Variants in TAFA2 observed in about 807,000 individuals in gnomAD.
TAFA2 encodes the protein TAFA chemokine like family member 2.
Under a neutral mutation model 18.8 loss-of-function variants are expected in TAFA2, and 7 were observed. The observed-to-expected ratio is 0.37, with a 90% CI of 0.21 to 0.70. The LOEUF (loss-of-function observed/expected upper bound fraction) is 0.70. Ranked by LOEUF, TAFA2 falls within the 30% of genes least tolerant of loss-of-function variation. The pLI is 0.53. For missense variants in TAFA2, 122 were observed against 158.1 expected (o/e 0.77, Z 1.23); for synonymous variants, 60 against 54.2 (o/e 1.11, Z -0.47).
At chr12:61,895,749 G>A (rs777968010) in intron 1 of TAFA2, among the ~76,000 whole-genome samples, 2 of 152,102 alleles carry the variant, frequency 1.3e-5, no homozygotes, top group Non-Finnish European at 2.9e-5. Flanking sequence ...AGGAGTCCAT[G>A]CCACACAGCT....
intron 1 of TAFA2, among the ~76,000 whole-genome samples, chr12:61,928,919 A>T (rs1034212137): frequency 3.9e-5 from 6 of 152,150 alleles, no homozygotes; most frequent in Admixed American, 1.3e-4. Flanking sequence ...CAGAAAACCA[A>T]ACATCACATG....
In TAFA2 at chr12:61,990,530, G is replaced by A. The variant is rs1440962209; in HGVS notation, c.-1-123104C>T. Among the ~76,000 whole-genome samples the A allele has an allele frequency of 4.0e-5, 6 of 151,708 alleles. No individual in the cohort carries two copies. In the East Asian group the frequency reaches 5.9e-4, roughly 15 times the overall value. On this transcript the variant is annotated intron_variant, in intron 1 of 4. Transcript: ENST00000416284. ...AATTTTTTGCATTTTTAATAGAGAC[G>A]GGGTTTCACCATGTTAGCCAGGATG...
At chr12:62,161,471 C>G (rs148078270) in intron 1 of TAFA2, among the ~76,000 whole-genome samples, 1 of 152,272 alleles carries the variant, frequency 6.6e-6, no homozygotes, top group African/African-American at 2.4e-5. Flanking sequence ...ATCACATGTT[C>G]TCACCCATAA....
chr12:62,241,851 CAACA>C (rs762610056), intron 1 of TAFA2, among the ~76,000 whole-genome samples: 34 of 152,240 alleles, frequency 2.2e-4, no homozygotes, highest in Admixed American at 8.5e-4. Context: ...AAATTCCATG[CAACA>C]AACAAATATT....
chr12:61,901,289 T>A (rs1462047250), intron 1 of TAFA2, among the ~76,000 whole-genome samples: 3 of 4,560 alleles, frequency 6.6e-4, no homozygotes, highest in East Asian at 0.028. Flanking sequence ...TTTTTTTTTT[T>A]ATTATACTCT....
chr12:62,146,958 T>TA (rs2062285901), intron 1 of TAFA2, among the ~76,000 whole-genome samples: 1 of 151,900 alleles, frequency 6.6e-6, no homozygotes, highest in Admixed American at 6.6e-5. Context: ...AATACTGGTA[T>TA]AAAAATAGAC....
chr12:61,903,730 G>A (rs936265935), intron 1 of TAFA2, among the ~76,000 whole-genome samples: 6 of 152,110 alleles, frequency 3.9e-5, no homozygotes, highest in Admixed American at 3.9e-4. Flanking sequence ...TTAAGAAGTA[G>A]TCACTTAAAA....
At chr12:61,853,820 G>A (rs975652146) in intron 2 of TAFA2, among the ~76,000 whole-genome samples, 15 of 152,128 alleles carry the variant, frequency 9.9e-5, no homozygotes. Flanking sequence ...ACAGAGTAGA[G>A]GGTATGTAGG....
chr12:61,848,991 G>A (rs569566602), intron 2 of TAFA2, among the ~76,000 whole-genome samples: 4 of 151,926 alleles, frequency 2.6e-5, no homozygotes, highest in Middle Eastern at 3.4e-3. Flanking sequence ...ACAGGCACCC[G>A]CCACAACGGC....
intron 1 of TAFA2, among the ~76,000 whole-genome samples, chr12:62,033,408 G>T (rs1881515723): frequency 6.6e-6 from 1 of 152,086 alleles, no homozygotes; most frequent in Non-Finnish European, 1.5e-5. Flanking sequence ...TAGGAAGGAG[G>T]TTTGCTTTTT....
At chr12:61,848,245 A>T (rs1873488686) in intron 2 of TAFA2, among the ~76,000 whole-genome samples, 1 of 152,232 alleles carries the variant, frequency 6.6e-6, no homozygotes, top group Non-Finnish European at 1.5e-5. Context: ...TCAAAAGAGC[A>T]AAACAACTCC....
At chr12:61,723,122 A>T (rs1449195228) in intron 4 of TAFA2, among the ~76,000 whole-genome samples, 1 of 152,122 alleles carries the variant, frequency 6.6e-6, no homozygotes, top group Non-Finnish European at 1.5e-5. Flanking sequence ...TGCCTAAAAT[A>T]CACTTGTTTC....
At chr12:61,914,129 T>C (rs1003522201) in intron 1 of TAFA2, among the ~76,000 whole-genome samples, 8 of 152,090 alleles carry the variant, frequency 5.3e-5, no homozygotes, top group African/African-American at 9.7e-5. Flanking sequence ...CACTATATTA[T>C]CTCCCCACAC....
At chr12:62,090,088 G>A (rs1269707503) in intron 1 of TAFA2, among the ~76,000 whole-genome samples, 1 of 152,018 alleles carries the variant, frequency 6.6e-6, no homozygotes, top group African/African-American at 2.4e-5. Flanking sequence ...CCAATGCAGT[G>A]ATTGCTCATT....
intron 1 of TAFA2, among the ~76,000 whole-genome samples, chr12:62,090,459 G>A (rs917333934): frequency 2.6e-5 from 4 of 152,040 alleles, no homozygotes; most frequent in African/African-American, 9.7e-5. Context: ...ATGAAGAATG[G>A]TGAAGTTTCT....
intron 1 of TAFA2, among the ~76,000 whole-genome samples, chr12:62,110,932 A>T (rs1164773211): frequency 6.6e-6 from 1 of 152,070 alleles, no homozygotes; most frequent in Non-Finnish European, 1.5e-5. Context: ...CTTTTCAAAA[A>T]AACAGCTTCT....
At chr12:61,885,897 A>T (rs1875355829) in intron 1 of TAFA2, among the ~76,000 whole-genome samples, 1 of 152,140 alleles carries the variant, frequency 6.6e-6, no homozygotes, top group African/African-American at 2.4e-5. Flanking sequence ...TAGGAGAAAA[A>T]ATGATTCTCT....
chr12:62,146,624 G>A (rs569010505), intron 1 of TAFA2, among the ~76,000 whole-genome samples: 1 of 152,052 alleles, frequency 6.6e-6, no homozygotes, highest in South Asian at 2.1e-4. Flanking sequence ...CTTAAGAATG[G>A]GAGGTACTTA....
intron 1 of TAFA2, among the ~76,000 whole-genome samples, chr12:61,869,122 C>T (rs1190370632): frequency 6.6e-6 from 1 of 152,120 alleles, no homozygotes; most frequent in Non-Finnish European, 1.5e-5. Context: ...GTTTCAGTAG[C>T]ACCAACAGCT....
Sources: gnomAD v4.1 joint callset for allele counts (sites outside exome capture counted in the v4.1 genomes callset) on GRCh38, gnomAD v4.1.1 for gene constraint, MANE v1.5 for transcripts, NCBI Gene and HGNC (gene_info 2026-07-23, HGNC 2026-07-21) for gene names.